TAF9B: variants seen among roughly 807,000 people sequenced by gnomAD.
The protein encoded by TAF9B is TATA-box binding protein associated factor 9b.
In TAF9B, 47 loss-of-function variants were observed where a neutral mutation model predicts 17.6. The observed-to-expected ratio is 2.68, with a 90% CI of 2.12 to 3.41. TAF9B has a LOEUF of 3.41. Among genes scored for constraint, TAF9B ranks in the 30% most tolerant of loss-of-function variants. The probability of loss-of-function intolerance (pLI) is 0.00; values close to 1 mark genes in which losing one functional copy is unlikely to be tolerated. For synonymous variants in TAF9B, 84 were observed against 68.7 expected (o/e 1.22, Z -1.10); for missense variants, 218 against 189.3 (o/e 1.15, Z -0.89).
intron 4 of TAF9B, among the ~76,000 whole-genome samples, chrX:78,137,422 G>A (rs1356438876): frequency 9.0e-6 from 1 of 111,264 alleles, no homozygotes; most frequent in African/African-American, 3.3e-5. Flanking sequence ...CCTAATTCCT[G>A]ATGGTATCAT....
chrX:78,138,943 A>C lies in TAF9B; in HGVS notation c.52-19T>G. 1 of 1,121,509 alleles carries C rather than the reference A, an allele frequency of 8.9e-7. No individual in the cohort carries two copies. Among genetic ancestry groups the C allele is most frequent in the South Asian group, 1.9e-5 (1 of 53,740 alleles). 92.4% of individuals were successfully genotyped at this position (1,121,509 alleles called of 1,213,427 possible). ...CCATCACCTGTGGATTCAAATAAAA[A>C]CACCAGATGCAGAATTTGGTACTGG... On this transcript the variant is annotated intron_variant, in intron 1 of 6. Coordinates refer to ENST00000341864, the MANE Select transcript of TAF9B (RefSeq NM_015975.5).
rs2078403428 is a variant in TAF9B at position 78,130,199 on chromosome X, A to AGAT, written c.*1408_*1410dup. 1 of 112,381 alleles carries AGAT rather than the reference A, an allele frequency of 8.9e-6. No individual in the cohort carries two copies. The highest frequency in any genetic ancestry group is 1.9e-5 in the Non-Finnish European group (1 of 53,287). The allele number at this position is 112,381 out of a possible 1,213,427, so 9.3% of individuals were successfully genotyped here. ...CTTAGATATATCAAACACTATCCTA[A>AGAT]GATGAAACTTCTGTTTTGAGGATCC... On this transcript the variant is annotated 3_prime_UTR_variant, in exon 7 of 7. Transcript: ENST00000341864.
Position 78,131,652 on chromosome X carries a change from C to G in TAF9B, c.714G>C (p.Leu238=), listed in dbSNP as rs781877654. 24 of 1,209,270 alleles carry G rather than the reference C, an allele frequency of 2.0e-5. No individual in the cohort carries two copies. Among genetic ancestry groups the G allele is most frequent in the South Asian group, 1.9e-4 (11 of 56,742 alleles). The change falls in exon 7 of 7, where the codon CTG becomes CTC. Residue 238 remains leucine (L), a synonymous_variant. Transcript: ENST00000341864. ...SQNTANEANP[L]KRKHEDDDDN... is the part of the protein sequence containing the mutation. ...CATCATCATCTTCATGTTTTCTCTT[C>G]AGTGGGTTTGCTTCATTGGCTGTGT... is the stretch of plus-strand genomic sequence containing the variant.
At chrX:78,139,400 C>T (rs782032138) in intron 1 of TAF9B, among the ~76,000 whole-genome samples, 161 bp downstream of exon 1, 1 of 112,376 alleles carries the variant, frequency 8.9e-6, no homozygotes, top group South Asian at 3.7e-4. Flanking sequence ...GAGATAGGGG[C>T]CCGGGGGCCA....
intron 1 of TAF9B, 84 bp downstream of exon 1, chrX:78,139,477 C>T (rs1368258415): frequency 5.1e-6 from 6 of 1,167,133 alleles, no homozygotes; most frequent in Non-Finnish European, 7.0e-6. Flanking sequence ...TGCGAGCCGA[C>T]CCTCAGGCCC....
In TAF9B at chrX:78,138,806, A is replaced by G. The variant is rs1557250364; in HGVS notation, c.133+37T>C. ...ACAATAAAAATATCTTTTCAAGTTC[A>G]CAAGTTAGGCAAGTTTTTGGTGTTT... On this transcript the variant is annotated intron_variant, in intron 2 of 6. Coordinates refer to ENST00000341864, the MANE Select transcript of TAF9B (RefSeq NM_015975.5). 3.0e-6 allele frequency: 3 copies of G among 1,008,381 alleles called. No individual in the cohort carries two copies. In the East Asian group the frequency reaches 9.1e-5, roughly 31 times the overall value. 83.1% of individuals were successfully genotyped at this position (1,008,381 alleles called of 1,213,427 possible). A position where few individuals can be genotyped will look rare whatever the true frequency, so the allele number is the denominator to read the frequency against.
intron 5 of TAF9B, among the ~76,000 whole-genome samples, chrX:78,136,421 G>C (rs1244907704): frequency 9.0e-6 from 1 of 111,730 alleles, no homozygotes; most frequent in Non-Finnish European, 1.9e-5. Flanking sequence ...GCTTGAAGGG[G>C]CTCCCACTGA....
At position 78,139,632 on chromosome X, in the gene TAF9B, C is replaced by T. The variant is rs782377767; in HGVS notation, c.-21G>A. On this transcript the variant is annotated 5_prime_UTR_variant, in exon 1 of 7. Transcript: ENST00000341864. ...TCCATGTTATCCAGCCACTCGTCAT[C>T]CGCGGAGACAGAGGAGAGAGGAGAG... The T allele has an allele frequency of 1.2e-5, 15 of 1,211,264 alleles. No homozygotes were observed. The highest frequency in any genetic ancestry group is 1.7e-5 in the Non-Finnish European group (15 of 894,973).
rs1341216341 is a variant in TAF9B at position 78,138,031 on chromosome X, A to G, written c.201T>C (p.Asp67=). 8.3e-7 allele frequency: 1 copy of G among 1,210,173 alleles called. No individual in the cohort carries two copies. The highest frequency in any genetic ancestry group is 1.1e-6 in the Non-Finnish European group (1 of 894,616). Residue 67 remains aspartate (D), a synonymous_variant, in exon 3 of 7, where the codon GAT becomes GAC. Coordinates refer to ENST00000341864, the MANE Select transcript of TAF9B (RefSeq NM_015975.5). ...YSSHAKKPNV[D]ADDVRLAIQC... ...GGATTGCCAGTCTCACATCATCTGC[A>G]TCAACATTAGGTTTCTTAGCATGGC...
rs905987827 is a variant in TAF9B, at chrX:78,137,887, A to T, written c.271-4T>A. On this transcript the variant is annotated splice_polypyrimidine_tract_variant and splice_region_variant and intron_variant, in intron 3 of 6. Coordinates refer to ENST00000341864, the MANE Select transcript of TAF9B (RefSeq NM_015975.5). ...GCCTTGCGATATCCAGTAAAAACTT[A>T]AAAAAAAAATCCTTATTAGAACTAC... 2.8e-6 allele frequency: 3 copies of T among 1,082,578 alleles called. No individual in the cohort carries two copies. Among genetic ancestry groups the T allele is most frequent in the African/African-American group, 1.9e-5 (1 of 52,954 alleles). The allele number at this position is 1,082,578 out of a possible 1,213,427, so 89.2% of individuals were successfully genotyped here.
In TAF9B at chrX:78,138,888, CTG is replaced by C. The variant is rs782445023; in HGVS notation, c.86_87del (p.Thr29ArgfsTer3). 1.2e-5 allele frequency: 14 copies of C among 1,209,070 alleles called. No homozygotes were observed. Among genetic ancestry groups the C allele is most frequent in the South Asian group, 3.5e-5 (2 of 56,771 alleles). On this transcript the variant is annotated frameshift_variant, in exon 2 of 7. Coordinates refer to ENST00000341864, the MANE Select transcript of TAF9B (RefSeq NM_015975.5). LOFTEE classifies it high-confidence loss of function. ...TGATTTATAACCCTTGGTTCATACT[CTG>C]TGATTCCCATATCCTTCAGGATCTG... ...MAQILKDMGI[T>X]EYEPRVINQM...
At chrX:78,132,139 G>A (rs782012951) in intron 6 of TAF9B, among the ~76,000 whole-genome samples, 177 of 110,909 alleles carry the variant, frequency 1.6e-3, no homozygotes, top group African/African-American at 5.5e-3. Context: ...GATTATAGGC[G>A]TGTACCACCA....
chrX:78,135,487 C>T (rs1290274940), intron 5 of TAF9B, among the ~76,000 whole-genome samples: 7 of 107,288 alleles, frequency 6.5e-5, no homozygotes, highest in Non-Finnish European at 5.8e-5. Context: ...CCCAGCTACT[C>T]GGGAGGCTGA....
intron 2 of TAF9B, 38 bp from the exon 3 acceptor site, chrX:78,138,136 G>A (rs1557250283): frequency 1.8e-6 from 2 of 1,129,970 alleles, no homozygotes; most frequent in Non-Finnish European, 2.4e-6. Context: ...AACATATGAA[G>A]ACAGCTTAAT....
Position 78,133,528 on chromosome X carries a change from T to C in TAF9B, c.482-80A>G, listed in dbSNP as rs138367601. On this transcript the variant is annotated intron_variant, in intron 5 of 6. Transcript: ENST00000341864. ...TCTACACTCAGCTTACCGCAAACTA[T>C]CTTCAAAGCAAAGGAAACTAATAAA... is the stretch of plus-strand genomic sequence containing the variant. 1.1e-3 allele frequency: 787 copies of C among 701,106 alleles called. 3 individuals carry two copies. In the African/African-American group the frequency reaches 0.015, roughly 13 times the overall value. The allele number at this position is 701,106 out of a possible 1,213,427, so 57.8% of individuals were successfully genotyped here. A position where few individuals can be genotyped will look rare whatever the true frequency, so the allele number is the denominator to read the frequency against.
Position 78,130,399 on chromosome X carries a change from A to G in TAF9B, c.*1211T>C, listed in dbSNP as rs1233016340. The G allele has an allele frequency of 8.9e-6, 1 of 112,631 alleles. No homozygotes were observed. The highest frequency in any genetic ancestry group is 3.2e-5 in the African/African-American group (1 of 31,012). 9.3% of individuals were successfully genotyped at this position (112,631 alleles called of 1,213,427 possible). A position where few individuals can be genotyped will look rare whatever the true frequency, so the allele number is the denominator to read the frequency against. On this transcript the variant is annotated 3_prime_UTR_variant, in exon 7 of 7. Coordinates refer to ENST00000341864, the MANE Select transcript of TAF9B (RefSeq NM_015975.5). ...AAAACAGGGAAAGGTGTTCAGCAAC[A>G]TTACAGTATTATTGGGAAACCTATG...
In TAF9B at chrX:78,136,950, C is replaced by G; in HGVS notation, c.446G>C (p.Gly149Ala). The G allele has an allele frequency of 1.7e-6, 2 of 1,206,857 alleles. No individual in the cohort carries two copies. The highest frequency in any genetic ancestry group is 2.2e-6 in the Non-Finnish European group (2 of 891,772). The change falls in exon 5 of 7, where the codon GGT becomes GCT. Residue 149 changes from glycine (G) to alanine (A), a missense_variant. Gly to Ala is a moderately conservative substitution (Grantham distance 60). Coordinates refer to ENST00000341864, the MANE Select transcript of TAF9B (RefSeq NM_015975.5). ...QGRLVPRLSVGAVSSKPTTPT... is the reference protein window; with the variant it reads ...QGRLVPRLSVAAVSSKPTTPT... ...AGTAGTAGGTTTGCTACTAACAGCA[C>G]CAACACTTAATCGTGGAACTAGTCT...
chrX:78,138,565 C>G (rs781903318), intron 2 of TAF9B, among the ~76,000 whole-genome samples: 5 of 112,094 alleles, frequency 4.5e-5, no homozygotes, highest in Non-Finnish European at 9.4e-5. Context: ...CGAGGCCAGC[C>G]TGGGCAATAT....
intron 2 of TAF9B, 120 bp from the exon 3 acceptor site, chrX:78,138,218 TAG>T (rs2078442168): frequency 1.2e-6 from 1 of 816,734 alleles, no homozygotes; most frequent in African/African-American, 2.1e-5. Flanking sequence ...TGGGTTTTTG[TAG>T]AGACAGGGTC....
Sources: allele counts gnomAD v4.1 joint callset (sites outside exome capture counted in the v4.1 genomes callset), GRCh38; gene constraint gnomAD v4.1.1; transcripts MANE v1.5; gene names NCBI Gene and HGNC (gene_info 2026-07-23, HGNC 2026-07-21).